Variants in ELOC observed in about 807,000 individuals in gnomAD.
The protein encoded by ELOC is elongin-C.
For missense variants in ELOC, 38 were observed against 139.0 expected (o/e 0.27, Z 3.65); for synonymous variants, 40 against 51.3 (o/e 0.78, Z 0.94).
chr8:73,957,880 G>A (rs1398330675), intron 2 of ELOC, among the ~76,000 whole-genome samples: 2 of 152,126 alleles, frequency 1.3e-5, no homozygotes, highest in Non-Finnish European at 2.9e-5. Flanking sequence ...CCAGGTTCAA[G>A]AGGTTCTCCT....
chr8:73,967,891 G>A (rs1266048134), intron 1 of ELOC, among the ~76,000 whole-genome samples: 3 of 152,208 alleles, frequency 2.0e-5, no homozygotes, highest in African/African-American at 7.2e-5. Context: ...TGTGGCCTGT[G>A]GTTCTAACTT....
chr8:73,952,208 A>C (rs1204583728), intron 3 of ELOC, among the ~76,000 whole-genome samples: 2 of 152,098 alleles, frequency 1.3e-5, no homozygotes, highest in African/African-American at 4.8e-5. Flanking sequence ...TTTCGAGACC[A>C]GCCTGGCCAA....
chr8:73,948,834 CACAAGCAA>C (rs1321643150), intron 3 of ELOC, among the ~76,000 whole-genome samples: 51 of 132,052 alleles, frequency 3.9e-4, no homozygotes, highest in African/African-American at 1.5e-3. Context: ...CCCTGTCACT[CACAAGCAA>C]GCAAGCAAGC....
chr8:73,965,856 G>A (rs567580871), intron 1 of ELOC, among the ~76,000 whole-genome samples: 1 of 152,280 alleles, frequency 6.6e-6, no homozygotes, highest in East Asian at 1.9e-4. Flanking sequence ...GCTAACAGAG[G>A]AGGAATAAGA....
At chr8:73,952,711 G>A (rs1813860724) in intron 3 of ELOC, among the ~76,000 whole-genome samples, 2 of 151,056 alleles carry the variant, frequency 1.3e-5, no homozygotes, top group Admixed American at 6.6e-5. Flanking sequence ...AAACTGGGAG[G>A]TGGAGCTTGC....
intron 1 of ELOC, 155 bp downstream of exon 1, chr8:73,971,922 G>A: frequency 6.6e-6 from 1 of 152,192 alleles, no homozygotes; most frequent in Non-Finnish European, 1.5e-5. Flanking sequence ...CCCCAAACTA[G>A]GGGCTGGGGA....
chr8:73,947,057 C>G (rs113899393), intron 3 of ELOC, among the ~76,000 whole-genome samples: 9,913 of 152,176 alleles, frequency 0.065, 484 homozygotes, highest in Admixed American at 0.16. Context: ...GGCGGGATCT[C>G]AGCTCACTGC....
chr8:73,971,194 T>C (rs1388451614), intron 1 of ELOC, among the ~76,000 whole-genome samples: 1 of 152,038 alleles, frequency 6.6e-6, no homozygotes, highest in African/African-American at 2.4e-5. Flanking sequence ...TCACTTGAGG[T>C]CAGGAGTTCC....
At chr8:73,958,735 A>G (rs1814380517) in intron 2 of ELOC, among the ~76,000 whole-genome samples, 2 of 152,354 alleles carry the variant, frequency 1.3e-5, no homozygotes, top group South Asian at 4.1e-4. Flanking sequence ...TTAAGGTAAA[A>G]TTACTCACTA....
chr8:73,969,389 T>C (rs953139068), intron 1 of ELOC, among the ~76,000 whole-genome samples: 2 of 152,188 alleles, frequency 1.3e-5, no homozygotes, highest in Non-Finnish European at 2.9e-5. Flanking sequence ...ATCAGACTAC[T>C]ACTCACTTTC....
chr8:73,956,083 T>C, intron 2 of ELOC, 29 bp from the exon 3 acceptor site: 1 of 1,602,710 alleles, frequency 6.2e-7, no homozygotes, highest in Non-Finnish European at 8.5e-7. Flanking sequence ...TGAAACAATT[T>C]TTGAGTCACA....
At chr8:73,968,833 C>T (rs1319579316) in intron 1 of ELOC, among the ~76,000 whole-genome samples, 1 of 152,224 alleles carries the variant, frequency 6.6e-6, no homozygotes, top group East Asian at 1.9e-4. Flanking sequence ...TCAACTACTT[C>T]ACTTGGTCAC....
At chr8:73,954,329 A>T (rs1038420898) in intron 3 of ELOC, among the ~76,000 whole-genome samples, 3 of 152,230 alleles carry the variant, frequency 2.0e-5, no homozygotes, top group African/African-American at 7.2e-5. Flanking sequence ...CTGCTTTTAC[A>T]TTATGTGAAT....
intron 3 of ELOC, among the ~76,000 whole-genome samples, chr8:73,951,372 T>C (rs915282632): frequency 6.6e-6 from 1 of 151,760 alleles, no homozygotes; most frequent in Non-Finnish European, 1.5e-5. Flanking sequence ...AGTAAAAACA[T>C]AGAAGAATTG....
chr8:73,953,142 C>T (rs1010371055), intron 3 of ELOC, among the ~76,000 whole-genome samples: 7 of 151,610 alleles, frequency 4.6e-5, no homozygotes, highest in Middle Eastern at 3.2e-3. Flanking sequence ...CCATTTCTAC[C>T]AAAAATACAA....
At chr8:73,960,892 G>C (rs1222100620) in intron 1 of ELOC, among the ~76,000 whole-genome samples, 1 of 152,092 alleles carries the variant, frequency 6.6e-6, no homozygotes, top group Non-Finnish European at 1.5e-5. Context: ...CAGGAGTACT[G>C]CCTGAACCCA....
intron 1 of ELOC, among the ~76,000 whole-genome samples, chr8:73,964,123 A>T (rs1283598045): frequency 6.9e-6 from 1 of 144,634 alleles, no homozygotes; most frequent in Non-Finnish European, 1.5e-5. Flanking sequence ...AGTATTACAT[A>T]TAGTAGTGTG....
At chr8:73,960,925 A>G (rs1370547429) in intron 1 of ELOC, among the ~76,000 whole-genome samples, 2 of 150,652 alleles carry the variant, frequency 1.3e-5, no homozygotes, top group Non-Finnish European at 2.9e-5. Context: ...CAGCCTGGAC[A>G]ACACAGTGAG....
chr8:73,961,359 C>A (rs560410800), intron 1 of ELOC, among the ~76,000 whole-genome samples: 2 of 152,204 alleles, frequency 1.3e-5, no homozygotes, highest in Non-Finnish European at 2.9e-5. Context: ...AAGGAACTTG[C>A]AAGTAACCTC....
Sources: gnomAD v4.1 joint callset for allele counts (sites outside exome capture counted in the v4.1 genomes callset) on GRCh38, gnomAD v4.1.1 for gene constraint, MANE v1.5 for transcripts, NCBI Gene and HGNC (gene_info 2026-07-23, HGNC 2026-07-21) for gene names.